DAPK2: variants seen among roughly 807,000 people sequenced by gnomAD.
The protein encoded by DAPK2 is death associated protein kinase 2, also known as death-associated protein kinase 2.
In DAPK2, 35 loss-of-function variants were observed where a neutral mutation model predicts 44.1. The observed-to-expected ratio is 0.79, with a 90% CI of 0.61 to 1.05. The LOEUF is 1.05. Ranked by LOEUF, DAPK2 falls within the 50% of genes least tolerant of loss-of-function variation. The pLI, the probability that DAPK2 is intolerant of heterozygous loss-of-function variation, is 0.00. For missense variants in DAPK2, 453 were observed against 483.2 expected, an observed-to-expected ratio of 0.94 and a Z score of 0.59; for synonymous variants, 174 against 182.6, an observed-to-expected ratio of 0.95 and a Z score of 0.38.
intron 8 of DAPK2, among the ~76,000 whole-genome samples, chr15:63,914,427 C>T (rs1409808411): frequency 6.6e-6 from 1 of 152,192 alleles, no homozygotes; most frequent in Admixed American, 6.5e-5. Flanking sequence ...GAGGAACCAG[C>T]AGGCCATGTC....
chr15:63,925,385 T>C lies in DAPK2; in HGVS notation c.813-524A>G, dbSNP rs369750844. On this transcript the variant is annotated intron_variant, in intron 7 of 10. Transcript: ENST00000261891. ...GGTGTTCTAGTCTGTGGACCTTTCT[T>C]CCTGCCCCATCCAGAGCATGCTCTG... Among the ~76,000 whole-genome samples, 8 of 152,190 alleles carry C rather than the reference T, an allele frequency of 5.3e-5. No individual in the cohort carries two copies. The East Asian group carries it at 1.2e-3, about 22-fold the overall frequency.
chr15:64,012,690 A>G (rs1392297823), intron 1 of DAPK2, among the ~76,000 whole-genome samples: 1 of 152,254 alleles, frequency 6.6e-6, no homozygotes. Flanking sequence ...TTTTGAAAAT[A>G]TAGACTATGC....
intron 1 of DAPK2, among the ~76,000 whole-genome samples, chr15:64,021,178 G>A (rs2032281129): frequency 6.6e-6 from 1 of 152,188 alleles, no homozygotes; most frequent in Admixed American, 6.5e-5. Context: ...CTGGAAGTAG[G>A]CACTTCAGTG....
rs2078465494 is a variant in DAPK2, at chr15:63,980,251, AAC to A, written c.314+3280_314+3281del. 6.6e-6 allele frequency among the ~76,000 whole-genome samples: 1 copy of A among 152,220 alleles called. No homozygotes were observed. Among genetic ancestry groups the A allele is most frequent in the African/African-American group, 2.4e-5 (1 of 41,444 alleles). On this transcript the variant is annotated intron_variant, in intron 2 of 10. Transcript: ENST00000261891. This position sits in a 1 kb window ranked among gnomAD's most constrained non-coding sequence, Gnocchi z 4.3. ...GCTGACCATGAGCCCTGTTGGGAAA[AAC>A]ACAGACATCTCAAGAGCATTTACCT...
At chr15:63,924,699 G>C in intron 8 of DAPK2, 117 bp downstream of exon 9, 1 of 1,123,038 alleles carries the variant, frequency 8.9e-7, no homozygotes, top group Non-Finnish European at 1.3e-6. Flanking sequence ...TCTGTGCCCA[G>C]GGTCAGTGTT....
At chr15:63,932,461 C>T (rs567391900) in intron 4 of DAPK2, 90 of 56,032 alleles carry the variant, frequency 1.6e-3, no homozygotes, top group African/African-American at 4.5e-3. Context: ...AACAAAACTC[C>T]GTCTCAAAAA....
chr15:63,930,636 T>G (rs865915637), intron 4 of DAPK2, among the ~76,000 whole-genome samples, 181 bp from the exon 6 acceptor site: 1 of 152,174 alleles, frequency 6.6e-6, no homozygotes, highest in Non-Finnish European at 1.5e-5. Context: ...ATGGCCCAAA[T>G]GTTTGTGCGT....
intron 1 of DAPK2, among the ~76,000 whole-genome samples, chr15:64,016,887 GGAAGGAAGGAA>G (rs1357940001): frequency 6.9e-6 from 1 of 144,438 alleles, no homozygotes; most frequent in Non-Finnish European, 1.6e-5. Context: ...AAGGAAGGAA[GGAAGGAAGGAA>G]GGACGGACAT....
intron 1 of DAPK2, among the ~76,000 whole-genome samples, chr15:64,000,359 G>T (rs796552387): frequency 7.9e-5 from 12 of 152,240 alleles, no homozygotes; most frequent in African/African-American, 2.9e-4. Flanking sequence ...ACAAATACGT[G>T]CACCAAGCAT....
chr15:63,945,865 C>A (rs866625029), intron 3 of DAPK2, among the ~76,000 whole-genome samples: 14 of 152,314 alleles, frequency 9.2e-5, no homozygotes, highest in South Asian at 4.1e-4. Context: ...CGTGTAAAGG[C>A]GCAGGTCTCC....
At chr15:63,936,979 C>A (rs1317764377) in intron 4 of DAPK2, among the ~76,000 whole-genome samples, 140 of 129,776 alleles carry the variant, frequency 1.1e-3, no homozygotes, top group Non-Finnish European at 1.3e-3. Context: ...GACCCTGTCT[C>A]AAAAAAAAAA....
At chr15:64,019,642 C>A (rs2079628445) in intron 1 of DAPK2, among the ~76,000 whole-genome samples, 1 of 152,250 alleles carries the variant, frequency 6.6e-6, no homozygotes, top group Admixed American at 6.5e-5. Context: ...GAGAATGCCA[C>A]AGTGAATGCT....
chr15:63,948,706 C>G (rs974302289), intron 3 of DAPK2, among the ~76,000 whole-genome samples: 2 of 152,184 alleles, frequency 1.3e-5, no homozygotes, highest in African/African-American at 2.4e-5. Context: ...CCTCCACACA[C>G]GCAACCTAGA....
intron 1 of DAPK2, among the ~76,000 whole-genome samples, chr15:64,009,554 C>T (rs2079329906): frequency 6.6e-6 from 1 of 152,086 alleles, no homozygotes; most frequent in Non-Finnish European, 1.5e-5. Context: ...CTCTGGGTTT[C>T]TGCTAGCCCT....
chr15:63,982,307 C>T (rs1443952449), intron 2 of DAPK2, among the ~76,000 whole-genome samples: 1 of 149,096 alleles, frequency 6.7e-6, no homozygotes, highest in Non-Finnish European at 1.5e-5. Flanking sequence ...TCTACTGCTT[C>T]AGCCTCCCGA....
rs182275808 is a variant in DAPK2, at chr15:63,940,898, G to C, written c.454-1537C>G. ...GGCAAATCCACAGAGACAGAAAGTAGATTAGTAGTCCCCTAGGATTGGGGG... is the reference window on the plus strand; with the variant it reads ...GGCAAATCCACAGAGACAGAAAGTACATTAGTAGTCCCCTAGGATTGGGGG... On this transcript the variant is annotated intron_variant, in intron 3 of 10. Coordinates refer to ENST00000261891, the Ensembl canonical transcript of DAPK2. Among the ~76,000 whole-genome samples, 95 of 152,220 alleles carry C rather than the reference G, an allele frequency of 6.2e-4. 2 individuals carry two copies. Among genetic ancestry groups the C allele is most frequent in the Middle Eastern group, 3.4e-3 (1 of 294 alleles).
At chr15:63,963,015 G>A (rs548775202) in intron 3 of DAPK2, among the ~76,000 whole-genome samples, 36 of 151,860 alleles carry the variant, frequency 2.4e-4, no homozygotes, top group South Asian at 4.2e-4. Context: ...TGAACTTCCC[G>A]GCCACTTTGT....
At chr15:63,924,373 G>A (rs1008304739) in intron 8 of DAPK2, 1 of 160,248 alleles carries the variant, frequency 6.2e-6, no homozygotes, top group Non-Finnish European at 1.4e-5. Flanking sequence ...GTGGGTGGCT[G>A]ATTTAAGTGT....
At chr15:63,993,706 T>C (rs2078876361) in intron 1 of DAPK2, among the ~76,000 whole-genome samples, 1 of 152,132 alleles carries the variant, frequency 6.6e-6, no homozygotes, top group Non-Finnish European at 1.5e-5. Flanking sequence ...TTAGGGGTCC[T>C]GGCTCTACCA....
Sources: allele counts gnomAD v4.1 joint callset (sites outside exome capture counted in the v4.1 genomes callset), GRCh38; gene constraint gnomAD v4.1.1; non-coding constraint Gnocchi (gnomAD v3.1); transcripts MANE v1.5; gene names NCBI Gene and HGNC (gene_info 2026-07-23, HGNC 2026-07-21).